The following ROBO2 variants were observed in gnomAD, a reference collection of about 807,000 sequenced individuals.
ROBO2 encodes roundabout homolog 2.
A neutral mutation model predicts 160.8 loss-of-function variants in ROBO2; 53 were observed. That is an observed-to-expected ratio of 0.33 (90% CI 0.26 to 0.41). The LOEUF is 0.41. Ranked by LOEUF, ROBO2 falls within the 10% of genes least tolerant of loss-of-function variation. ROBO2 has a pLI of 1.00. For synonymous variants in ROBO2, 664 were observed against 611.7 expected, an observed-to-expected ratio of 1.09 and a Z score of -1.26; for missense variants, 1,577 against 1,722.4, an observed-to-expected ratio of 0.92 and a Z score of 1.49.
At chr3:76,560,331 A>C (rs2084088354) in intron 2 of ROBO2, among the ~76,000 whole-genome samples, 1 of 152,264 alleles carries the variant, frequency 6.6e-6, no homozygotes, top group Middle Eastern at 3.4e-3. Flanking sequence ...CATGAGACCA[A>C]GTTTTAAAGT....
At chr3:77,328,098 A>G (rs2065617835) in intron 2 of ROBO2, among the ~76,000 whole-genome samples, 1 of 150,394 alleles carries the variant, frequency 6.6e-6, no homozygotes, top group Admixed American at 6.6e-5. Context: ...AAAAAAAAGG[A>G]ACATTAGAAA....
At chr3:77,471,215 C>T (rs755939108) in intron 2 of ROBO2, among the ~76,000 whole-genome samples, 2 of 152,034 alleles carry the variant, frequency 1.3e-5, no homozygotes, top group East Asian at 3.9e-4. Context: ...ATGGAAATGA[C>T]TAAGTAGTGA....
At chr3:77,209,233 TAA>T (rs978269410) in intron 2 of ROBO2, among the ~76,000 whole-genome samples, 7 of 152,162 alleles carry the variant, frequency 4.6e-5, no homozygotes, top group African/African-American at 1.7e-4. Context: ...TCTATGAATC[TAA>T]GACCAAATAA....
intron 2 of ROBO2, among the ~76,000 whole-genome samples, chr3:76,609,997 C>T (rs530041614): frequency 6.6e-6 from 1 of 152,182 alleles, no homozygotes; most frequent in African/African-American, 2.4e-5. Context: ...ATGACATATC[C>T]ATATCACATT....
At chr3:77,539,684 GA>G (rs1217607092) in intron 6 of ROBO2, among the ~76,000 whole-genome samples, 4 of 152,004 alleles carry the variant, frequency 2.6e-5, no homozygotes, top group African/African-American at 4.8e-5. Flanking sequence ...TTTTCTAGGT[GA>G]AAAAAATATA....
chr3:75,952,709 T>C (rs1357372004), intron 2 of ROBO2, among the ~76,000 whole-genome samples: 1 of 152,006 alleles, frequency 6.6e-6, no homozygotes, highest in African/African-American at 2.4e-5. Context: ...TTGTCAAATG[T>C]GTAATGACAA....
chr3:76,489,934 T>C (rs2079723446), intron 2 of ROBO2, among the ~76,000 whole-genome samples: 1 of 152,098 alleles, frequency 6.6e-6, no homozygotes, highest in South Asian at 2.1e-4. Flanking sequence ...AATGAACACA[T>C]TAGGACATGC....
intron 2 of ROBO2, among the ~76,000 whole-genome samples, chr3:76,170,346 T>C (rs2072996445): frequency 6.6e-6 from 1 of 152,172 alleles, no homozygotes; most frequent in South Asian, 2.1e-4. Flanking sequence ...GAATTAAATG[T>C]AGAAAAATTA....
At chr3:76,505,713 A>G (rs1224190584) in intron 2 of ROBO2, among the ~76,000 whole-genome samples, 2 of 151,878 alleles carry the variant, frequency 1.3e-5, no homozygotes, top group African/African-American at 2.4e-5. Context: ...GCCAAGAAAC[A>G]TTTTTTCCCC....
intron 2 of ROBO2, among the ~76,000 whole-genome samples, chr3:76,580,274 G>C (rs1485291400): frequency 8.2e-6 from 1 of 121,976 alleles, no homozygotes; most frequent in Non-Finnish European, 1.8e-5. Flanking sequence ...GAGCCTGGTT[G>C]CTCTTTCTTA....
chr3:76,343,751 C>T (rs1158818316), intron 2 of ROBO2, among the ~76,000 whole-genome samples: 5 of 151,916 alleles, frequency 3.3e-5, no homozygotes, highest in African/African-American at 1.2e-4. Context: ...AACTGCTGTG[C>T]CCAGCAGTAT....
intron 2 of ROBO2, among the ~76,000 whole-genome samples, chr3:76,551,549 C>T (rs1254070821): frequency 6.6e-6 from 1 of 152,138 alleles, no homozygotes; most frequent in Non-Finnish European, 1.5e-5. Flanking sequence ...CTACTCACCA[C>T]ATTGTGGGCA....
At chr3:76,974,878 T>G (rs1190532852) in intron 2 of ROBO2, among the ~76,000 whole-genome samples, 1 of 152,076 alleles carries the variant, frequency 6.6e-6, no homozygotes, top group African/African-American at 2.4e-5. Flanking sequence ...AGTAAACAGC[T>G]TACAGACTGC....
intron 2 of ROBO2, among the ~76,000 whole-genome samples, chr3:75,998,875 T>C (rs1422557102): frequency 6.6e-6 from 1 of 152,238 alleles, no homozygotes; most frequent in Admixed American, 6.5e-5. Flanking sequence ...TTGTTAAATA[T>C]TTTGCATGAC....
chr3:76,568,214 C>T (rs2108569451), intron 2 of ROBO2, among the ~76,000 whole-genome samples: 1 of 152,174 alleles, frequency 6.6e-6, no homozygotes, highest in South Asian at 2.1e-4. Flanking sequence ...CTTTCATCGA[C>T]ATCTATTTTT....
intron 2 of ROBO2, among the ~76,000 whole-genome samples, chr3:76,553,767 G>A (rs2083551276): frequency 6.6e-6 from 1 of 152,146 alleles, no homozygotes; most frequent in African/African-American, 2.4e-5. Context: ...TTAGATGGGG[G>A]TGGTTACAGT....
intron 2 of ROBO2, among the ~76,000 whole-genome samples, chr3:76,642,591 A>T (rs113579806): frequency 4.3e-4 from 65 of 151,962 alleles, no homozygotes; most frequent in African/African-American, 1.5e-3. Context: ...ACCTCAGGTG[A>T]TCTGCCCGCC....
intron 2 of ROBO2, among the ~76,000 whole-genome samples, chr3:76,791,362 A>G (rs2063338955): frequency 6.6e-6 from 1 of 151,772 alleles, no homozygotes; most frequent in Admixed American, 6.6e-5. Flanking sequence ...ATGTTGTGCC[A>G]AAGGTAGTCT....
At chr3:76,566,726 G>C (rs896014871) in intron 2 of ROBO2, among the ~76,000 whole-genome samples, 1 of 151,974 alleles carries the variant, frequency 6.6e-6, no homozygotes, top group African/African-American at 2.4e-5. Flanking sequence ...GGGAAAGAAG[G>C]GTGGAGAGGA....
Sources: allele counts gnomAD v4.1 joint callset (sites outside exome capture counted in the v4.1 genomes callset), GRCh38; gene constraint gnomAD v4.1.1; transcripts MANE v1.5; gene names NCBI Gene and HGNC (gene_info 2026-07-23, HGNC 2026-07-21).